Variants in SH3RF2 observed in about 807,000 individuals in gnomAD.
SH3RF2 encodes the protein E3 ubiquitin-protein ligase SH3RF2.
A neutral mutation model predicts 59.0 loss-of-function variants in SH3RF2; 43 were observed. That is an observed-to-expected ratio of 0.73 (90% CI 0.57 to 0.94). The LOEUF is 0.94. Ranked by LOEUF, SH3RF2 falls within the 40% of genes least tolerant of loss-of-function variation. The pLI is 0.00. For synonymous variants in SH3RF2, 391 were observed against 391.5 expected, an observed-to-expected ratio of 1.00 and a Z score of 0.01; for missense variants, 930 against 940.1, an observed-to-expected ratio of 0.99 and a Z score of 0.14.
intron 2 of SH3RF2, among the ~76,000 whole-genome samples, chr5:145,999,583 A>G (rs1234024889): frequency 6.6e-6 from 1 of 152,152 alleles, no homozygotes; most frequent in Non-Finnish European, 1.5e-5. Context: ...AGGGTCATTA[A>G]TTGGCCTCAT....
chr5:146,071,941 G>C (rs569696456), intron 9 of SH3RF2, among the ~76,000 whole-genome samples: 1 of 152,130 alleles, frequency 6.6e-6, no homozygotes, highest in Non-Finnish European at 1.5e-5. Context: ...TGGATGTAGA[G>C]GCACAATTCA....
chr5:145,965,192 C>CA (rs1231194316), intron 2 of SH3RF2, among the ~76,000 whole-genome samples: 5 of 147,334 alleles, frequency 3.4e-5, no homozygotes, highest in African/African-American at 5.0e-5. Flanking sequence ...GACTCTGTCT[C>CA]AAAAAAAAAT....
chr5:145,948,730 C>G (rs1177981931), intron 2 of SH3RF2, among the ~76,000 whole-genome samples: 1 of 152,178 alleles, frequency 6.6e-6, no homozygotes, highest in Non-Finnish European at 1.5e-5. Flanking sequence ...AGCCTCTGTT[C>G]CTCCGGAAGT....
downstream of SH3RF2, among the ~76,000 whole-genome samples, chr5:146,068,120 G>A (rs1763147088): frequency 6.6e-6 from 1 of 152,236 alleles, no homozygotes; most frequent in Non-Finnish European, 1.5e-5. Flanking sequence ...CTCCATGCTG[G>A]CTGGTCTGCC....
At chr5:145,939,293 C>A (rs917537356) in intron 2 of SH3RF2, among the ~76,000 whole-genome samples, 1 of 152,196 alleles carries the variant, frequency 6.6e-6, no homozygotes, top group Non-Finnish European at 1.5e-5. Flanking sequence ...GAAGTCTTAC[C>A]TAGAGCAAGC....
chr5:145,998,580 T>C (rs1042598763), intron 2 of SH3RF2, among the ~76,000 whole-genome samples: 1 of 152,190 alleles, frequency 6.6e-6, no homozygotes, highest in Non-Finnish European at 1.5e-5. Context: ...AATACCATAA[T>C]AAAGCAAGTC....
intron 2 of SH3RF2, among the ~76,000 whole-genome samples, chr5:145,938,958 T>C (rs991845547): frequency 6.6e-6 from 1 of 152,164 alleles, no homozygotes; most frequent in Non-Finnish European, 1.5e-5. Context: ...ATGAATGAAA[T>C]ACAGAGAAGA....
At chr5:146,037,457 A>C (rs976047242) in intron 5 of SH3RF2, among the ~76,000 whole-genome samples, 16 of 152,160 alleles carry the variant, frequency 1.1e-4, no homozygotes, top group Non-Finnish European at 2.4e-4. Flanking sequence ...TGCTCTAAGG[A>C]CTTGAATTGA....
At chr5:146,031,628 G>T (rs925100861) in intron 5 of SH3RF2, among the ~76,000 whole-genome samples, 1 of 152,208 alleles carries the variant, frequency 6.6e-6, no homozygotes, top group East Asian at 1.9e-4. Flanking sequence ...GGTATAAGGG[G>T]CAGCAATGCC....
intron 2 of SH3RF2, among the ~76,000 whole-genome samples, chr5:145,977,249 C>T (rs1383385773): frequency 1.3e-5 from 2 of 152,134 alleles, no homozygotes; most frequent in African/African-American, 4.8e-5. Flanking sequence ...TGTCGCTTAT[C>T]ATCTACACTT....
chr5:145,958,694 A>G (rs1336561144), intron 2 of SH3RF2, among the ~76,000 whole-genome samples: 1 of 152,218 alleles, frequency 6.6e-6, no homozygotes, highest in African/African-American at 2.4e-5. Flanking sequence ...TGCAAGGAAC[A>G]CACACAAGGA....
intron 2 of SH3RF2, among the ~76,000 whole-genome samples, chr5:145,946,355 C>A (rs772889367): frequency 4.1e-4 from 62 of 152,160 alleles, no homozygotes; most frequent in African/African-American, 1.4e-3. Flanking sequence ...GCTCAGAGCA[C>A]CCAGCCCACA....
At chr5:145,963,246 GGA>G (rs1758705282) in intron 2 of SH3RF2, among the ~76,000 whole-genome samples, 1 of 66,322 alleles carries the variant, frequency 1.5e-5, no homozygotes. Context: ...CTGGATGAAT[GGA>G]TGGATGGATG....
intron 9 of SH3RF2, among the ~76,000 whole-genome samples, chr5:146,076,994 A>T (rs1763352254): frequency 6.6e-6 from 1 of 152,188 alleles, no homozygotes; most frequent in Non-Finnish European, 1.5e-5. Flanking sequence ...ACAGAAAAGA[A>T]ATCAGGGTCT....
intron 5 of SH3RF2, among the ~76,000 whole-genome samples, chr5:146,015,895 G>A (rs146642082): frequency 3.9e-5 from 6 of 152,312 alleles, no homozygotes; most frequent in Non-Finnish European, 8.8e-5. Flanking sequence ...TCCAAAGGTT[G>A]TAAAAACACA....
chr5:146,031,952 A>G (rs953134827), intron 5 of SH3RF2, among the ~76,000 whole-genome samples: 6 of 152,170 alleles, frequency 3.9e-5, no homozygotes, highest in African/African-American at 1.4e-4. Context: ...TGCATGCTCC[A>G]GGGGTAAGAG....
chr5:146,026,660 G>A (rs531706051), intron 5 of SH3RF2, among the ~76,000 whole-genome samples: 11 of 152,310 alleles, frequency 7.2e-5, no homozygotes, highest in African/African-American at 2.6e-4. Context: ...ATTGGGTAGA[G>A]CTATTCTCTG....
At chr5:145,991,195 C>T (rs897079133) in intron 2 of SH3RF2, among the ~76,000 whole-genome samples, 1 of 152,164 alleles carries the variant, frequency 6.6e-6, no homozygotes, top group Non-Finnish European at 1.5e-5. Flanking sequence ...TCAAACGAGC[C>T]TCAGCCAATC....
intron 3 of SH3RF2, among the ~76,000 whole-genome samples, chr5:146,002,266 C>T (rs1446130939): frequency 6.6e-6 from 1 of 152,130 alleles, no homozygotes; most frequent in Non-Finnish European, 1.5e-5. Flanking sequence ...GCCTGGCCAA[C>T]ATAGCGAAAC....
Sources: allele counts gnomAD v4.1 joint callset (sites outside exome capture counted in the v4.1 genomes callset), GRCh38; gene constraint gnomAD v4.1.1; transcripts MANE v1.5; gene names NCBI Gene and HGNC (gene_info 2026-07-23, HGNC 2026-07-21).